Variants in STOX2 observed in about 807,000 individuals in gnomAD.
STOX2 encodes storkhead box 2, also known as storkhead-box protein 2.
In STOX2, 28 loss-of-function variants were observed where a neutral mutation model predicts 60.9. The ratio of observed to expected loss-of-function variants is 0.46; its 90% CI spans 0.34 to 0.63. STOX2 has a LOEUF of 0.63. Among genes scored for constraint, STOX2 ranks in the 30% least tolerant of loss-of-function variants. The probability of loss-of-function intolerance (pLI) is 0.01; values close to 1 mark genes in which losing one functional copy is unlikely to be tolerated. For missense variants in STOX2, 1,024 were observed against 1,187.7 expected, an observed-to-expected ratio of 0.86 and a Z score of 2.03; for synonymous variants, 472 against 463.9, an observed-to-expected ratio of 1.02 and a Z score of -0.22.
At chr4:183,872,786 A>T (rs1345801184) in intron 1 of STOX2, among the ~76,000 whole-genome samples, 2 of 149,574 alleles carry the variant, frequency 1.3e-5, no homozygotes, top group East Asian at 1.9e-4. Context: ...TCTGCTTATT[A>T]TTTTTTTTTT....
chr4:183,890,900 G>A (rs1741192839), intron 1 of STOX2, among the ~76,000 whole-genome samples: 2 of 152,156 alleles, frequency 1.3e-5, no homozygotes, highest in African/African-American at 4.8e-5. Flanking sequence ...TGAAGGCCAG[G>A]AGTTTGAGAT....
intron 1 of STOX2, among the ~76,000 whole-genome samples, chr4:183,940,459 C>G (rs1742724831): frequency 6.6e-6 from 1 of 152,212 alleles, no homozygotes; most frequent in African/African-American, 2.4e-5. Flanking sequence ...CTGAAAACTG[C>G]AGAACTTCTC....
Position 183,948,420 on chromosome 4 carries a change from T to C in STOX2, c.166+41464T>C, listed in dbSNP as rs143314238. 1.7e-4 allele frequency among the ~76,000 whole-genome samples: 26 copies of C among 151,872 alleles called. No homozygotes were observed. The East Asian group carries it at 4.6e-3, about 27-fold the overall frequency. ...ATGTTTTCCAGTAGCTCCATATTTC[T>C]ATTAGTCAATTCAACACCTAGTTTG... On this transcript the variant is annotated intron_variant, in intron 1 of 3. Coordinates refer to ENST00000308497, the MANE Select transcript of STOX2 (RefSeq NM_020225.3).
chr4:183,804,762 T>C (rs981369121), intron 1 of STOX2, among the ~76,000 whole-genome samples: 1 of 152,232 alleles, frequency 6.6e-6, no homozygotes, highest in Non-Finnish European at 1.5e-5. Context: ...TCAAAGATGT[T>C]TTCAGCAAAG....
intron 1 of STOX2, among the ~76,000 whole-genome samples, chr4:183,957,139 AACTT>A (rs1476812881): frequency 7.8e-6 from 1 of 128,688 alleles, no homozygotes; most frequent in African/African-American, 2.8e-5. Context: ...TGTACCCTAA[AACTT>A]AAAGTATAAT....
intron 1 of STOX2, among the ~76,000 whole-genome samples, chr4:183,818,564 A>G (rs1229493824): frequency 6.6e-6 from 1 of 152,206 alleles, no homozygotes; most frequent in Non-Finnish European, 1.5e-5. Context: ...TTTCTATTCG[A>G]CAAAACCGCC....
intron 1 of STOX2, among the ~76,000 whole-genome samples, chr4:183,871,098 G>C (rs1740678441): frequency 6.6e-6 from 1 of 152,180 alleles, no homozygotes; most frequent in African/African-American, 2.4e-5. Context: ...GTGTTATTCT[G>C]GTGAGTGGGT....
chr4:183,914,402 C>T (rs1579409858), intron 1 of STOX2, among the ~76,000 whole-genome samples: 1 of 152,180 alleles, frequency 6.6e-6, no homozygotes, highest in Admixed American at 6.5e-5. Context: ...TGTGCCACTG[C>T]ACTCCAGCCT....
chr4:183,957,968 G>T (rs972828074), intron 1 of STOX2, among the ~76,000 whole-genome samples: 1 of 151,732 alleles, frequency 6.6e-6, no homozygotes, highest in Admixed American at 6.6e-5. Flanking sequence ...CGTGAATGAG[G>T]CACCCTGGTT....
At chr4:183,976,993 A>G (rs1030291774) in intron 1 of STOX2, among the ~76,000 whole-genome samples, 6 of 152,236 alleles carry the variant, frequency 3.9e-5, no homozygotes, top group African/African-American at 1.4e-4. Flanking sequence ...TAGATGCAAG[A>G]TTGTATAGCC....
chr4:183,947,568 T>C (rs111349471), intron 1 of STOX2, among the ~76,000 whole-genome samples: 202 of 152,346 alleles, frequency 1.3e-3, no homozygotes, highest in African/African-American at 4.6e-3. Flanking sequence ...AAGCAAATCA[T>C]AGTAGCACTA....
intron 1 of STOX2, among the ~76,000 whole-genome samples, chr4:183,946,627 GTTT>G (rs66484161): frequency 1.5e-5 from 2 of 131,360 alleles, no homozygotes; most frequent in Non-Finnish European, 3.3e-5. Flanking sequence ...CATAGTTGTG[GTTT>G]TTTTTTTTTT....
At chr4:183,993,647 C>A (rs1733204445) in intron 1 of STOX2, among the ~76,000 whole-genome samples, 1 of 152,194 alleles carries the variant, frequency 6.6e-6, no homozygotes, top group South Asian at 2.1e-4. Context: ...TTCTAAAATT[C>A]CTTTTTTATG....
intron 1 of STOX2, among the ~76,000 whole-genome samples, chr4:183,874,898 C>A (rs1247218856): frequency 1.4e-4 from 16 of 118,200 alleles, no homozygotes; most frequent in Non-Finnish European, 2.1e-4. Context: ...TGCACTCCAG[C>A]CTGGGCGATG....
In STOX2 at chr4:183,806,160, A is replaced by G. The variant is rs1335090972; in HGVS notation, c.364+8105A>G. 6.6e-6 allele frequency among the ~76,000 whole-genome samples: 1 copy of G among 152,228 alleles called. No homozygotes were observed. The highest frequency in any genetic ancestry group is 2.4e-5 in the African/African-American group (1 of 41,462). ...CTCTGTGCTGTAGATTTCACTCTGA[A>G]GATGAAAATAAACACGATTAAAGAC... On this transcript the variant is annotated intron_variant, in intron 1 of 2. Transcript: ENST00000513034. The surrounding 1 kb of genome is among the most constrained non-coding windows in gnomAD (Gnocchi z 4.1).
At chr4:183,850,996 G>A (rs1423677424) in intron 1 of STOX2, among the ~76,000 whole-genome samples, 1 of 147,532 alleles carries the variant, frequency 6.8e-6, no homozygotes, top group Non-Finnish European at 1.5e-5. Context: ...GAAAGGATGA[G>A]GGAAAGGATG....
intron 1 of STOX2, among the ~76,000 whole-genome samples, chr4:183,898,919 T>C (rs1209295019): frequency 6.6e-6 from 1 of 152,182 alleles, no homozygotes; most frequent in African/African-American, 2.4e-5. Flanking sequence ...AGATATTGCA[T>C]TTTTTACAAA....
At chr4:183,907,569 A>G (rs1407801205) in intron 1 of STOX2, among the ~76,000 whole-genome samples, 1 of 152,262 alleles carries the variant, frequency 6.6e-6, no homozygotes, top group Non-Finnish European at 1.5e-5. Flanking sequence ...GCTGTATGGA[A>G]AGAATGGAGG....
intron 1 of STOX2, among the ~76,000 whole-genome samples, chr4:183,852,752 C>A (rs1200503496): frequency 1.3e-5 from 2 of 152,132 alleles, no homozygotes; most frequent in East Asian, 1.9e-4. Flanking sequence ...TAATTTAAAC[C>A]TATTTAATAA....
Sources: gnomAD v4.1 joint callset for allele counts (sites outside exome capture counted in the v4.1 genomes callset) on GRCh38, gnomAD v4.1.1 for gene constraint, Gnocchi (gnomAD v3.1) non-coding constraint, MANE v1.5 for transcripts, NCBI Gene and HGNC (gene_info 2026-07-23, HGNC 2026-07-21) for gene names.